The following AMBRA1 variants were observed in gnomAD, a reference collection of about 807,000 sequenced individuals.
The protein encoded by AMBRA1 is autophagy and beclin 1 regulator 1.
AMBRA1 carries 47 observed loss-of-function variants against 125.4 expected under a neutral mutation model. That is an observed-to-expected ratio of 0.37 (90% CI 0.30 to 0.48). The LOEUF (loss-of-function observed/expected upper bound fraction) is 0.48. Ranked by LOEUF, AMBRA1 falls within the 20% of genes least tolerant of loss-of-function variation. The pLI, the probability that AMBRA1 is intolerant of heterozygous loss-of-function variation, is 0.99. For synonymous variants in AMBRA1, 626 were observed against 655.5 expected, an observed-to-expected ratio of 0.95 and a Z score of 0.69; for missense variants, 1,331 against 1,693.4, an observed-to-expected ratio of 0.79 and a Z score of 3.76.
At chr11:46,474,797 T>A (rs1001318315) in intron 11 of AMBRA1, among the ~76,000 whole-genome samples, 1 of 152,110 alleles carries the variant, frequency 6.6e-6, no homozygotes, top group Non-Finnish European at 1.5e-5. Flanking sequence ...CAGGTAAAGT[T>A]AAGTTCAAGG....
At chr11:46,417,154 C>G (rs1486303213) in intron 15 of AMBRA1, among the ~76,000 whole-genome samples, 1 of 151,960 alleles carries the variant, frequency 6.6e-6, no homozygotes, top group African/African-American at 2.4e-5. Context: ...CAGGTTCAAG[C>G]GATTCCCCTG....
rs373531128 is a variant in AMBRA1 at position 46,437,846 on chromosome 11, G to A, written c.2633-2809C>T. On this transcript the variant is annotated intron_variant, in intron 12 of 17. Coordinates refer to ENST00000683756, the MANE Select transcript of AMBRA1 (RefSeq NM_001387011.1). Reference sequence around the variant, plus strand: ...GAAAAGGGAGAAGTAAAATATAGCCGAAGACACCGGCTATAGCTTACACAC... The same window carrying A: ...GAAAAGGGAGAAGTAAAATATAGCCAAAGACACCGGCTATAGCTTACACAC... Among the ~76,000 whole-genome samples, 76 of 152,236 alleles carry A rather than the reference G, an allele frequency of 5.0e-4. 1 individual carries two copies. In the South Asian group the frequency reaches 0.015, roughly 30 times the overall value.
At chr11:46,431,798 T>C (rs1012045099) in intron 14 of AMBRA1, among the ~76,000 whole-genome samples, 1 of 152,198 alleles carries the variant, frequency 6.6e-6, no homozygotes, top group African/African-American at 2.4e-5. Context: ...CATCCTCAAA[T>C]ATCTAGATAA....
intron 12 of AMBRA1, among the ~76,000 whole-genome samples, chr11:46,439,602 T>A (rs1424805880): frequency 6.6e-6 from 1 of 152,178 alleles, no homozygotes; most frequent in Non-Finnish European, 1.5e-5. Flanking sequence ...TCCCTAATGA[T>A]GACACAAAAC....
chr11:46,424,819 G>A (rs1466192356), intron 14 of AMBRA1, among the ~76,000 whole-genome samples: 6 of 151,984 alleles, frequency 3.9e-5, no homozygotes, highest in African/African-American at 1.4e-4. Context: ...CACCGTGGGT[G>A]AGATCCTGTG....
At chr11:46,482,520 G>A (rs1286041832) in intron 11 of AMBRA1, among the ~76,000 whole-genome samples, 1 of 152,176 alleles carries the variant, frequency 6.6e-6, no homozygotes. Flanking sequence ...AGCTTCATTT[G>A]TGAAAATAAA....
intron 15 of AMBRA1, among the ~76,000 whole-genome samples, chr11:46,417,057 C>CTT (rs796893271): frequency 1.4e-5 from 2 of 143,778 alleles, no homozygotes; most frequent in Non-Finnish European, 1.5e-5. Flanking sequence ...TTGAGCTTTT[C>CTT]TTTTTTTTTT....
intron 11 of AMBRA1, among the ~76,000 whole-genome samples, chr11:46,463,222 A>T (rs186348471): frequency 6.6e-6 from 1 of 152,178 alleles, no homozygotes; most frequent in Admixed American, 6.5e-5. Context: ...CTTGAGGATG[A>T]GTTTAAAATT....
intron 1 of AMBRA1, among the ~76,000 whole-genome samples, chr11:46,585,113 G>A (rs913453773): frequency 5.9e-5 from 9 of 151,976 alleles, no homozygotes; most frequent in Non-Finnish European, 8.8e-5. Flanking sequence ...GATTAAGGGC[G>A]GTGCAAGATG....
chr11:46,578,700 G>A (rs1175680767), intron 1 of AMBRA1, among the ~76,000 whole-genome samples: 3 of 151,224 alleles, frequency 2.0e-5, no homozygotes, highest in East Asian at 3.9e-4. Context: ...TGGCTAACAC[G>A]GTGAAACCCT....
chr11:46,581,260 G>A (rs1357750672), intron 1 of AMBRA1, among the ~76,000 whole-genome samples: 2 of 151,852 alleles, frequency 1.3e-5, no homozygotes, highest in African/African-American at 4.8e-5. Flanking sequence ...ATCACCTGAG[G>A]TCAGAAGTTC....
intron 11 of AMBRA1, among the ~76,000 whole-genome samples, chr11:46,454,708 G>A (rs1031792309): frequency 2.6e-5 from 4 of 151,506 alleles, no homozygotes; most frequent in South Asian, 2.1e-4. Context: ...CCGAGATCAC[G>A]CCACTGCACT....
intron 12 of AMBRA1, among the ~76,000 whole-genome samples, chr11:46,438,290 A>G (rs1038771264): frequency 1.3e-5 from 2 of 152,258 alleles, no homozygotes; most frequent in Non-Finnish European, 2.9e-5. Flanking sequence ...GCCATGTTCC[A>G]GACTCTGCAA....
At chr11:46,429,652 T>G (rs971043127) in intron 14 of AMBRA1, among the ~76,000 whole-genome samples, 2 of 152,160 alleles carry the variant, frequency 1.3e-5, no homozygotes, top group African/African-American at 4.8e-5. Context: ...CATCAGTAAT[T>G]TTGTATTTTT....
At chr11:46,585,760 G>A (rs1267449194) in intron 1 of AMBRA1, among the ~76,000 whole-genome samples, 7 of 123,946 alleles carry the variant, frequency 5.6e-5, no homozygotes, top group Non-Finnish European at 1.2e-4. Context: ...AAAGGTGTGG[G>A]CCACCACACC....
chr11:46,574,928 T>C (rs968240300), intron 1 of AMBRA1, among the ~76,000 whole-genome samples: 1 of 152,238 alleles, frequency 6.6e-6, no homozygotes, highest in African/African-American at 2.4e-5. Flanking sequence ...TAAAACTCCC[T>C]ATACACGGTT....
At chr11:46,572,299 CA>C (rs982452418) in intron 1 of AMBRA1, among the ~76,000 whole-genome samples, 350 of 144,340 alleles carry the variant, frequency 2.4e-3, no homozygotes, top group African/African-American at 8.2e-3. Context: ...GATTCCATCT[CA>C]AAAAAAAAAA....
chr11:46,456,060 T>C (rs977215677), intron 11 of AMBRA1, among the ~76,000 whole-genome samples: 47 of 152,200 alleles, frequency 3.1e-4, no homozygotes, highest in Admixed American at 3.1e-3. Context: ...CAAGTAATTA[T>C]GAAAGCAGAA....
At chr11:46,399,539 A>AT (rs528152875) in intron 17 of AMBRA1, among the ~76,000 whole-genome samples, 237 of 151,918 alleles carry the variant, frequency 1.6e-3, no homozygotes, top group Non-Finnish European at 2.8e-3. Flanking sequence ...AATTTTTTGT[A>AT]TTTTTAGTAG....
Sources: gnomAD v4.1 joint callset for allele counts (sites outside exome capture counted in the v4.1 genomes callset) on GRCh38, gnomAD v4.1.1 for gene constraint, MANE v1.5 for transcripts, NCBI Gene and HGNC (gene_info 2026-07-23, HGNC 2026-07-21) for gene names.